Variants in DOP1B observed in about 807,000 individuals in gnomAD.
The protein encoded by DOP1B is protein DOP1B.
In DOP1B, 174 loss-of-function variants were observed where a neutral mutation model predicts 233.5. That is an observed-to-expected ratio of 0.75 (90% CI 0.66 to 0.85). The LOEUF (loss-of-function observed/expected upper bound fraction) is 0.85, where lower values mean the gene tolerates loss of function less well. Among genes scored for constraint, DOP1B ranks in the 40% least tolerant of loss-of-function variants. The pLI is 0.00. For synonymous variants in DOP1B, 1,190 were observed against 1,185.6 expected, an observed-to-expected ratio of 1.00 and a Z score of -0.08; for missense variants, 2,652 against 2,846.6, an observed-to-expected ratio of 0.93 and a Z score of 1.56.
chr21:36,246,090 C>T lies in DOP1B; in HGVS notation c.4110C>T (p.Asn1370=), dbSNP rs1311407758. Residue 1370 remains asparagine (N), a synonymous_variant, in exon 19 of 37, where the codon AAC becomes AAT. Transcript: ENST00000691173. The surrounding 1 kb of genome is among the most constrained non-coding windows in gnomAD (Gnocchi z 5.1). ...VSVAKSSEGK[N]VEFIHSLLQR... is the part of the protein sequence containing the mutation. ...TGGCCAAGTCTTCGGAAGGGAAGAA[C>T]GTGGAGTTCATCCACAGCTTGCTGC... is the stretch of plus-strand genomic sequence containing the variant. 4.3e-6 allele frequency: 7 copies of T among 1,614,090 alleles called. No homozygotes were observed. The highest frequency in any genetic ancestry group is 2.7e-5 in the African/African-American group (2 of 75,042).
intron 15 of DOP1B, among the ~76,000 whole-genome samples, chr21:36,237,037 C>G (rs1033207979): frequency 6.6e-6 from 1 of 152,128 alleles, no homozygotes; most frequent in Non-Finnish European, 1.5e-5. Context: ...TGCCCCACTT[C>G]GACCTCCCAA....
At chr21:36,268,204 C>T (rs1252189890) in intron 26 of DOP1B, among the ~76,000 whole-genome samples, 1 of 152,180 alleles carries the variant, frequency 6.6e-6, no homozygotes, top group East Asian at 1.9e-4. Flanking sequence ...GACATTCCCA[C>T]AGTGGCTGTT....
Position 36,246,843 on chromosome 21 carries a change from A to ATTATGTTATGTTATGTTATGTTATG in DOP1B, c.4697+196_4697+220dup, listed in dbSNP as rs58401743. ...AACAAGCAACTAAATGTTCTGATCC[A>ATTATGTTATGTTATGTTATGTTATG]TTATGTTATGTTATGTTATGTTATG... On this transcript the variant is annotated intron_variant, in intron 19 of 36. Coordinates refer to ENST00000691173, the MANE Select transcript of DOP1B (RefSeq NM_001320714.2). This position sits in a 1 kb window ranked among gnomAD's most constrained non-coding sequence, Gnocchi z 5.1. Among the ~76,000 whole-genome samples the ATTATGTTATGTTATGTTATGTTATG allele has an allele frequency of 1.2e-4, 18 of 147,016 alleles. No homozygotes were observed. Among genetic ancestry groups the ATTATGTTATGTTATGTTATGTTATG allele is most frequent in the African/African-American group, 3.0e-4 (12 of 39,402 alleles).
At position 36,208,894 on chromosome 21, in the gene DOP1B, A is replaced by C; in HGVS notation, c.671A>C (p.His224Pro). The C allele has an allele frequency of 6.6e-7, 1 of 1,521,384 alleles. No homozygotes were observed. The highest frequency in any genetic ancestry group is 8.8e-7 in the Non-Finnish European group (1 of 1,134,360). 94.2% of individuals were successfully genotyped at this position (1,521,384 alleles called of 1,614,324 possible). ...CAGAAGTACATGCTGGGGACCAATC[A>C]CCAACTCACGGTGGGTGCTGTGTTC... ...REQKYMLGTN[H>P]QLTVKSLRAS... The change falls in exon 5 of 37, where the codon CAC becomes CCC. Residue 224 changes from histidine (H) to proline (P), a missense_variant. Transcript: ENST00000691173.
chr21:36,227,528 C>A (rs577522762), intron 12 of DOP1B, among the ~76,000 whole-genome samples, 158 bp from the exon 13 acceptor site: 7 of 147,348 alleles, frequency 4.8e-5, no homozygotes, highest in Non-Finnish European at 9.0e-5. Flanking sequence ...GCCTGGGCTA[C>A]AGAGCAAGAC....
intron 18 of DOP1B, among the ~76,000 whole-genome samples, chr21:36,240,492 A>G (rs1601439702): frequency 6.6e-6 from 1 of 152,154 alleles, no homozygotes; most frequent in African/African-American, 2.4e-5. Context: ...AAATACATAA[A>G]TAAATAAATA....
At chr21:36,210,856 A>G (rs1327351266) in intron 5 of DOP1B, among the ~76,000 whole-genome samples, 2 of 152,224 alleles carry the variant, frequency 1.3e-5, no homozygotes, top group Non-Finnish European at 2.9e-5. Context: ...CATTGCCAAC[A>G]GCTATAGTCC....
intron 29 of DOP1B, 44 bp downstream of exon 29, chr21:36,278,128 A>G: frequency 6.2e-7 from 1 of 1,613,430 alleles, no homozygotes. Flanking sequence ...ATGCAGAAAA[A>G]TATGTTTTCA....
chr21:36,241,552 A>C (rs1601440548), intron 18 of DOP1B, among the ~76,000 whole-genome samples: 1 of 124,162 alleles, frequency 8.1e-6, no homozygotes, highest in Admixed American at 9.7e-5. Context: ...TCTGTCACCC[A>C]AGCTGGAGTG....
chr21:36,258,009 AGATAGG>A (rs2067127384), intron 23 of DOP1B, among the ~76,000 whole-genome samples: 1 of 151,444 alleles, frequency 6.6e-6, no homozygotes. Context: ...GTAGGTAGGT[AGATAGG>A]TAGAGAGATA....
At chr21:36,239,354 G>A (rs980436764) in intron 17 of DOP1B, among the ~76,000 whole-genome samples, 1 of 152,192 alleles carries the variant, frequency 6.6e-6, no homozygotes, top group African/African-American at 2.4e-5. Context: ...CATACTTGGT[G>A]TGTGTGCTTG....
chr21:36,259,184 C>T (rs984907133), intron 23 of DOP1B, among the ~76,000 whole-genome samples: 4 of 151,880 alleles, frequency 2.6e-5, no homozygotes, highest in African/African-American at 9.7e-5. Flanking sequence ...CTAGGATGGT[C>T]TCGATCTCCT....
chr21:36,205,922 A>G lies in DOP1B; in HGVS notation c.492-2793A>G, dbSNP rs574687107. Among the ~76,000 whole-genome samples the G allele has an allele frequency of 3.9e-5, 6 of 152,252 alleles. No homozygotes were observed. The East Asian group carries it at 1.2e-3, about 30-fold the overall frequency. On this transcript the variant is annotated intron_variant, in intron 4 of 36. Transcript: ENST00000691173. ...ATACTCAGGAGGCTGAGCCAGGAGA[A>G]TCACTTGAACCTGGGAGGCAGAGGT...
chr21:36,240,875 T>C (rs1293426491), intron 18 of DOP1B, among the ~76,000 whole-genome samples: 1 of 152,040 alleles, frequency 6.6e-6, no homozygotes, highest in Non-Finnish European at 1.5e-5. Context: ...AATTTAAAAA[T>C]AATAATAAGA....
At chr21:36,268,712 C>A (rs2067255779) in intron 26 of DOP1B, among the ~76,000 whole-genome samples, 1 of 152,226 alleles carries the variant, frequency 6.6e-6, no homozygotes, top group African/African-American at 2.4e-5. Context: ...ACTCTGTCAC[C>A]AGGCTGGAGT....
At chr21:36,203,221 C>T (rs2066389917) in intron 4 of DOP1B, among the ~76,000 whole-genome samples, 1 of 152,172 alleles carries the variant, frequency 6.6e-6, no homozygotes, top group Non-Finnish European at 1.5e-5. Flanking sequence ...TTAGCTGTGA[C>T]AGAAAACCAA....
At position 36,214,081 on chromosome 21, in the gene DOP1B, G is replaced by T. The variant is rs748064738; in HGVS notation, c.905G>T (p.Gly302Val). 6.2e-7 allele frequency: 1 copy of T among 1,611,226 alleles called. No homozygotes were observed. Among genetic ancestry groups the T allele is most frequent in the African/African-American group, 1.3e-5 (1 of 74,768 alleles). ...LNRRLYAWLL[G>V]SDIKGNTVVP... ...CAGCTCGGCGCTTGTTCTTTTGTAG[G>T]CTCAGACATAAAAGGAAATACCGTT... Residue 302 changes from glycine (G) to valine (V), a missense_variant and splice_region_variant, in exon 8 of 37, where the codon GGC becomes GTC. Physicochemically the swap from Gly to Val is moderately radical, Grantham distance 109 (BLOSUM62 -3). Coordinates refer to ENST00000691173, the MANE Select transcript of DOP1B (RefSeq NM_001320714.2).
Position 36,231,124 on chromosome 21 carries a change from C to G in DOP1B, c.2340C>G (p.Phe780Leu). 1 of 1,580,330 alleles carries G rather than the reference C, an allele frequency of 6.3e-7. No homozygotes were observed. Among genetic ancestry groups the G allele is most frequent in the Non-Finnish European group, 8.6e-7 (1 of 1,159,482 alleles). Residue 780 changes from phenylalanine (F) to leucine (L), a missense_variant, in exon 14 of 37, where the codon TTC becomes TTG. By Grantham distance (22) the Phe-to-Leu change is conservative. Around this residue, in one of 3 missense-constraint regions of DOP1B, gnomAD observed 2,617 missense variants for 2,794.3 expected, o/e 0.94. Coordinates refer to ENST00000691173, the MANE Select transcript of DOP1B (RefSeq NM_001320714.2). ...EETEQLCATLFQLPGAGDSSF... is the reference protein window; with the variant it reads ...EETEQLCATLLQLPGAGDSSF... ...CCGAGCAGCTCTGTGCAACGCTCTT[C>G]CAGCTGCCAGGTGAGAGGCAGCCCT...
intron 2 of DOP1B, among the ~76,000 whole-genome samples, chr21:36,180,037 A>T (rs527277841): frequency 6.6e-5 from 10 of 152,154 alleles, no homozygotes; most frequent in Admixed American, 1.3e-4. Context: ...TCATGTGTTT[A>T]TCTAGCAGGA....
Sources: allele counts gnomAD v4.1 joint callset (sites outside exome capture counted in the v4.1 genomes callset), GRCh38; gene constraint gnomAD v4.1.1; regional missense constraint gnomAD v4.1.1; non-coding constraint Gnocchi (gnomAD v3.1); transcripts MANE v1.5; gene names NCBI Gene and HGNC (gene_info 2026-07-23, HGNC 2026-07-21).